Variants in CTNNA3 observed in about 807,000 individuals in gnomAD.
CTNNA3 encodes catenin alpha 3, also known as catenin alpha-3.
CTNNA3 carries 76 observed loss-of-function variants against 95.7 expected under a neutral mutation model. That is an observed-to-expected ratio of 0.79 (90% confidence interval 0.66 to 0.96). The LOEUF is 0.96. Among genes scored for constraint, CTNNA3 ranks in the 40% least tolerant of loss-of-function variants. The probability of loss-of-function intolerance (pLI) is 0.00; values close to 1 mark genes in which losing one functional copy is unlikely to be tolerated. For missense variants in CTNNA3, 1,191 were observed against 1,089.8 expected, an observed-to-expected ratio of 1.09 and a Z score of -1.31; for synonymous variants, 431 against 374.4, an observed-to-expected ratio of 1.15 and a Z score of -1.74.
chr10:67,564,679 A>ATG (rs1369952264), intron 3 of CTNNA3, among the ~76,000 whole-genome samples: 187 of 16,292 alleles, frequency 0.011, 10 homozygotes, highest in African/African-American at 0.029. Context: ...GTGTGTGTGT[A>ATG]TATATATATA....
At chr10:66,576,459 C>A (rs1589442396) in intron 10 of CTNNA3, among the ~76,000 whole-genome samples, 2 of 151,910 alleles carry the variant, frequency 1.3e-5, no homozygotes, top group East Asian at 3.9e-4. Context: ...TAACAGGTAG[C>A]CTTCCAATCC....
At chr10:67,657,994 C>T (rs965635308) in intron 1 of CTNNA3, among the ~76,000 whole-genome samples, 8 of 152,140 alleles carry the variant, frequency 5.3e-5, no homozygotes, top group African/African-American at 1.9e-4. Flanking sequence ...CACTCAGACC[C>T]TTAGCAGGGT....
chr10:66,868,262 G>A (rs1354410825), intron 7 of CTNNA3, among the ~76,000 whole-genome samples: 2 of 151,382 alleles, frequency 1.3e-5, no homozygotes, highest in East Asian at 2.0e-4. Context: ...TTACTCCGGA[G>A]GCTGAGGCTG....
chr10:66,913,937 C>T (rs1342652510), intron 7 of CTNNA3, among the ~76,000 whole-genome samples: 12 of 152,124 alleles, frequency 7.9e-5, no homozygotes, highest in Non-Finnish European at 7.3e-5. Flanking sequence ...ACTTGGGGCA[C>T]CCAGCACCCT....
At chr10:67,270,810 C>T (rs1838941087) in intron 5 of CTNNA3, among the ~76,000 whole-genome samples, 1 of 152,064 alleles carries the variant, frequency 6.6e-6, no homozygotes, top group Non-Finnish European at 1.5e-5. Flanking sequence ...GACGCTAATT[C>T]GTAAAGAAGC....
At chr10:66,876,424 C>T (rs1269001793) in intron 7 of CTNNA3, among the ~76,000 whole-genome samples, 1 of 152,130 alleles carries the variant, frequency 6.6e-6, no homozygotes, top group Non-Finnish European at 1.5e-5. Flanking sequence ...TCACCAGATA[C>T]TTCTAAAAGT....
At chr10:66,374,413 A>G (rs959744744) in intron 12 of CTNNA3, among the ~76,000 whole-genome samples, 1 of 152,128 alleles carries the variant, frequency 6.6e-6, no homozygotes. Flanking sequence ...AGAAAAGGCA[A>G]TCATTCCAAC....
At chr10:66,384,151 C>A (rs1473070319) in intron 11 of CTNNA3, among the ~76,000 whole-genome samples, 1 of 152,054 alleles carries the variant, frequency 6.6e-6, no homozygotes, top group Non-Finnish European at 1.5e-5. Flanking sequence ...CACAGAGTGG[C>A]ATGTTGGATA....
rs763229606 is a variant in CTNNA3 at position 67,180,352 on chromosome 10, C to T, written c.1012G>A (p.Ala338Thr). Residue 338 changes from alanine to threonine, a missense_variant, in exon 7 of 18, where the codon GCT (alanine) becomes ACT (threonine). Ala to Thr is a moderately conservative substitution (Grantham distance 58, BLOSUM62 0). Transcript: ENST00000433211. ...TACTCTGAAAGCAGATCCTGAAGAG[C>T]CTGGCGAATGGCGTTGCATTCTGCG... ...IIAECNAIRQ[A>T]LQDLLSEYMN... is the part of the protein sequence containing the mutation. 7 of 1,613,584 alleles carry T rather than the reference C, an allele frequency of 4.3e-6. No homozygotes were observed. In the Admixed American group the frequency reaches 1.2e-4, roughly 27 times the overall value.
Position 67,401,463 on chromosome 10 carries a change from G to A in CTNNA3, c.579+120379C>T, listed in dbSNP as rs150514458. Among the ~76,000 whole-genome samples, 866 of 152,224 alleles carry A rather than the reference G, an allele frequency of 5.7e-3. 3 individuals are homozygous for A. The highest frequency in any genetic ancestry group is 9.3e-3 in the Non-Finnish European group (632 of 68,014). On this transcript the variant is annotated intron_variant, in intron 5 of 17. Transcript: ENST00000433211. Reference sequence around the variant, plus strand: ...GCAGTCCCAGAGACTGAAGAAGAAGGAAGTTAGGCACCCAATGTGGGGTGC... The same window carrying A: ...GCAGTCCCAGAGACTGAAGAAGAAGAAAGTTAGGCACCCAATGTGGGGTGC...
At chr10:66,456,633 G>A (rs573824922) in intron 11 of CTNNA3, among the ~76,000 whole-genome samples, 4 of 151,760 alleles carry the variant, frequency 2.6e-5, no homozygotes, top group East Asian at 3.9e-4. Flanking sequence ...CCTAGATCAC[G>A]CCACTGCACT....
chr10:66,473,697 G>A (rs943810144), intron 11 of CTNNA3, among the ~76,000 whole-genome samples: 9 of 151,960 alleles, frequency 5.9e-5, no homozygotes, highest in African/African-American at 2.2e-4. Flanking sequence ...CCTGGTGTGT[G>A]ATGTTCCCCT....
At chr10:66,012,130 ACCAGGAGTTTTCCTAGGCATTTGTAT>A (rs1422629952) in intron 15 of CTNNA3, among the ~76,000 whole-genome samples, 1 of 152,208 alleles carries the variant, frequency 6.6e-6, no homozygotes, top group Non-Finnish European at 1.5e-5. Context: ...TTTACCATAG[ACCAGGAGTTTTCCTAGGCATTTGTAT>A]CCATAAGGCT....
chr10:67,067,180 C>G (rs1199675977), intron 7 of CTNNA3, among the ~76,000 whole-genome samples: 1 of 151,974 alleles, frequency 6.6e-6, no homozygotes, highest in Non-Finnish European at 1.5e-5. Context: ...TAAATCTTAG[C>G]AAACTATATG....
chr10:67,125,775 A>G (rs1859695549), intron 7 of CTNNA3, among the ~76,000 whole-genome samples: 1 of 152,190 alleles, frequency 6.6e-6, no homozygotes, highest in Non-Finnish European at 1.5e-5. Context: ...GTGTTAATCC[A>G]CCATGCCCTC....
At chr10:66,366,301 A>C (rs2092710939) in intron 12 of CTNNA3, among the ~76,000 whole-genome samples, 1 of 152,154 alleles carries the variant, frequency 6.6e-6, no homozygotes, top group Non-Finnish European at 1.5e-5. Flanking sequence ...AGTTAAACGA[A>C]ATAAATCTTT....
intron 13 of CTNNA3, among the ~76,000 whole-genome samples, chr10:66,144,738 T>C (rs1027818762): frequency 1.2e-4 from 18 of 152,210 alleles, no homozygotes; most frequent in South Asian, 1.0e-3. Flanking sequence ...TCCACCCGCA[T>C]TGGCCTCCCA....
chr10:67,620,641 G>C lies in CTNNA3; in HGVS notation c.100-13592C>G, dbSNP rs144936900. Among the ~76,000 whole-genome samples the C allele has an allele frequency of 9.9e-3, 1,509 of 152,100 alleles. 30 individuals carry two copies. Among genetic ancestry groups the C allele is most frequent in the African/African-American group, 0.035 (1,438 of 41,490 alleles). On this transcript the variant is annotated intron_variant, in intron 2 of 17. Coordinates refer to ENST00000433211, the MANE Select transcript of CTNNA3 (RefSeq NM_013266.4). ...TGGGAAAACTTGTAATCCCCTACAA[G>C]TACAAAAAGGAAAGCTACATTAAAT... is the stretch of plus-strand genomic sequence containing the variant.
chr10:66,547,343 C>CTTTTTTTTTTTT (rs1246714246), intron 10 of CTNNA3, among the ~76,000 whole-genome samples: 1,090 of 83,146 alleles, frequency 0.013, 356 homozygotes, highest in African/African-American at 0.032. Flanking sequence ...ATTTTTCTTT[C>CTTTTTTTTTTTT]TTTCTTTTTT....
Sources: gnomAD v4.1 joint callset for allele counts (sites outside exome capture counted in the v4.1 genomes callset) on GRCh38, gnomAD v4.1.1 for gene constraint, MANE v1.5 for transcripts, NCBI Gene and HGNC (gene_info 2026-07-23, HGNC 2026-07-21) for gene names.